Variants in PCMTD1 observed in about 807,000 individuals in gnomAD.
The protein encoded by PCMTD1 is protein-L-isoaspartate O-methyltransferase domain-containing protein 1.
Under a neutral mutation model 37.6 loss-of-function variants are expected in PCMTD1, and 12 were observed. The ratio of observed to expected loss-of-function variants is 0.32; its 90% CI spans 0.20 to 0.52. The LOEUF (loss-of-function observed/expected upper bound fraction) is 0.52. PCMTD1 is among the 20% of genes least tolerant of loss of function. The probability of loss-of-function intolerance (pLI) is 0.97; values close to 1 mark genes in which losing one functional copy is unlikely to be tolerated. For synonymous variants in PCMTD1, 117 were observed against 135.8 expected (o/e 0.86, Z 0.96); for missense variants, 235 against 421.3 (o/e 0.56, Z 3.87).
rs1358006751 is a variant in PCMTD1, at chr8:51,817,693, GTATTT to G, written c.*2653_*2657del. The G allele has an allele frequency of 1.3e-4, 34 of 271,314 alleles. No homozygotes were observed. Among genetic ancestry groups the G allele is most frequent in the African/African-American group, 7.0e-4 (31 of 44,046 alleles). 16.8% of individuals were successfully genotyped at this position (271,314 alleles called of 1,614,324 possible). ...ACAGCTATAAATCAACACACTTTTTGTATTTTATTTTACTACTATGTATGCTATTT... is the reference window on the plus strand; with the variant it reads ...ACAGCTATAAATCAACACACTTTTTGTATTTTACTACTATGTATGCTATTT... On this transcript the variant is annotated 3_prime_UTR_variant, in exon 6 of 6. Coordinates refer to ENST00000522514, the MANE Select transcript of PCMTD1 (RefSeq NM_052937.4).
chr8:51,884,229 A>T (rs1365423553), intron 1 of PCMTD1, among the ~76,000 whole-genome samples: 3 of 152,238 alleles, frequency 2.0e-5, no homozygotes, highest in African/African-American at 7.2e-5. Context: ...AGACAGAGCC[A>T]CTGATCTGAG....
At position 51,892,357 on chromosome 8, in the gene PCMTD1, G is replaced by A. The variant is rs993145286; in HGVS notation, c.-96+6573C>T. Among the ~76,000 whole-genome samples, 9 of 152,132 alleles carry A rather than the reference G, an allele frequency of 5.9e-5. No individual in the cohort carries two copies. In the South Asian group the frequency reaches 1.9e-3, roughly 32 times the overall value. On this transcript the variant is annotated intron_variant, in intron 1 of 5. Coordinates refer to ENST00000522514, the MANE Select transcript of PCMTD1 (RefSeq NM_052937.4). ...TGACCCTTGCCCAGAGTGGACCATT[G>A]GTCATGGCAGCTGCTACCCATCACC...
At chr8:51,878,450 T>A (rs1047542405) in intron 1 of PCMTD1, among the ~76,000 whole-genome samples, 1 of 152,146 alleles carries the variant, frequency 6.6e-6, no homozygotes, top group African/African-American at 2.4e-5. Flanking sequence ...TATAACTACA[T>A]GAATTGTGAG....
chr8:51,870,642 A>C (rs1358881047), intron 1 of PCMTD1, among the ~76,000 whole-genome samples: 4 of 152,192 alleles, frequency 2.6e-5, no homozygotes, highest in African/African-American at 9.6e-5. Context: ...ACAAGATCAT[A>C]TGAGAAGCTC....
At chr8:51,885,838 G>A (rs1248776445) in intron 1 of PCMTD1, among the ~76,000 whole-genome samples, 1 of 152,116 alleles carries the variant, frequency 6.6e-6, no homozygotes, top group Non-Finnish European at 1.5e-5. Flanking sequence ...TGTTTGTGCT[G>A]GGTCAGAAGG....
At chr8:51,869,825 G>T (rs916974969) in intron 1 of PCMTD1, among the ~76,000 whole-genome samples, 5 of 152,044 alleles carry the variant, frequency 3.3e-5, no homozygotes, top group African/African-American at 4.8e-5. Flanking sequence ...TTCATTCCTT[G>T]GTATTTTTCT....
intron 1 of PCMTD1, among the ~76,000 whole-genome samples, chr8:51,871,330 C>A (rs1417939079): frequency 6.6e-6 from 1 of 152,124 alleles, no homozygotes; most frequent in Non-Finnish European, 1.5e-5. Context: ...GAAGTTAAAG[C>A]GAAGAAAAGA....
chr8:51,817,847 A>G lies in PCMTD1; in HGVS notation c.*2504T>C, dbSNP rs1218689053. The G allele has an allele frequency of 2.2e-6, 1 of 456,784 alleles. No homozygotes were observed. The highest frequency in any genetic ancestry group is 4.4e-6 in the Non-Finnish European group (1 of 226,992). 28.3% of individuals were successfully genotyped at this position (456,784 alleles called of 1,614,324 possible). ...GGATTCTTGGGATTGATCTGATGCT[A>G]GAAGCTATCTTAGGCCCTGTCTCTA... On this transcript the variant is annotated 3_prime_UTR_variant, in exon 6 of 6. Transcript: ENST00000522514.
At chr8:51,866,496 T>C (rs1289008700) in intron 1 of PCMTD1, among the ~76,000 whole-genome samples, 1 of 151,870 alleles carries the variant, frequency 6.6e-6, no homozygotes, top group Admixed American at 6.6e-5. Context: ...TCAATTAATT[T>C]TCAACAAGGA....
intron 3 of PCMTD1, chr8:51,839,766 T>G (rs546720004): frequency 3.1e-6 from 1 of 327,784 alleles, no homozygotes; most frequent in Non-Finnish European, 4.4e-6. Context: ...TCCAGTGGAA[T>G]AGAGAAATTT....
At chr8:51,840,527 T>C (rs1464937519) in intron 3 of PCMTD1, among the ~76,000 whole-genome samples, 1 of 152,124 alleles carries the variant, frequency 6.6e-6, no homozygotes, top group African/African-American at 2.4e-5. Context: ...TACCAAAATG[T>C]TCACATATTT....
In PCMTD1 at chr8:51,826,854, C is replaced by CA. The variant is rs200193730; in HGVS notation, c.706+4589dup. ...AGAATGTCTTCTCCTCAACCCCAAA[C>CA]AAAAAAACCACAGAAAGAAATAGGA... On this transcript the variant is annotated intron_variant, in intron 5 of 5. Transcript: ENST00000522514. The CA allele has an allele frequency of 2.0e-4, 163 of 829,110 alleles. No homozygotes were observed. In the African/African-American group the frequency reaches 2.5e-3, roughly 13 times the overall value. The allele number at this position is 829,110 out of a possible 1,614,324, so 51.4% of individuals were successfully genotyped here.
chr8:51,878,896 G>A (rs183646711), intron 1 of PCMTD1, among the ~76,000 whole-genome samples: 3 of 152,282 alleles, frequency 2.0e-5, no homozygotes, highest in East Asian at 1.9e-4. Context: ...AGGTCAAGGT[G>A]TGAGGACTGC....
At chr8:51,860,123 C>T (rs1037488180) in intron 2 of PCMTD1, among the ~76,000 whole-genome samples, 1 of 152,212 alleles carries the variant, frequency 6.6e-6, no homozygotes, top group Non-Finnish European at 1.5e-5. Context: ...AGATACGTGA[C>T]TTTCAGGCAA....
chr8:51,863,350 ACAAT>A lies in PCMTD1; in HGVS notation c.-95-2108_-95-2105del, dbSNP rs1169302714. Reference sequence around the variant, plus strand: ...TTCAATTCAAAATTATCATAGCAAAACAATCAATCAAATATGGTCTTTACCACAT... The same window carrying A: ...TTCAATTCAAAATTATCATAGCAAAACAATCAAATATGGTCTTTACCACAT... On this transcript the variant is annotated intron_variant, in intron 1 of 5. Coordinates refer to ENST00000522514, the MANE Select transcript of PCMTD1 (RefSeq NM_052937.4). 3.9e-5 allele frequency among the ~76,000 whole-genome samples: 6 copies of A among 152,348 alleles called. No homozygotes were observed. In the East Asian group the frequency reaches 9.6e-4, roughly 24 times the overall value.
chr8:51,855,301 G>A (rs1585818927), intron 2 of PCMTD1, among the ~76,000 whole-genome samples: 1 of 150,816 alleles, frequency 6.6e-6, no homozygotes, highest in Non-Finnish European at 1.5e-5. Context: ...GCCAAAGTGG[G>A]CAGAACACTT....
At chr8:51,877,096 G>A (rs780097862) in intron 1 of PCMTD1, among the ~76,000 whole-genome samples, 7 of 152,000 alleles carry the variant, frequency 4.6e-5, no homozygotes, top group South Asian at 2.1e-4. Context: ...TCTTGGTGCC[G>A]TTAAGAACTA....
At chr8:51,876,795 T>C (rs1055300173) in intron 1 of PCMTD1, among the ~76,000 whole-genome samples, 2 of 152,112 alleles carry the variant, frequency 1.3e-5, no homozygotes, top group Non-Finnish European at 2.9e-5. Flanking sequence ...CATACCTAAA[T>C]GATGAATGAA....
chr8:51,859,037 T>C (rs1047063971), intron 2 of PCMTD1, among the ~76,000 whole-genome samples: 4 of 152,168 alleles, frequency 2.6e-5, no homozygotes, highest in Non-Finnish European at 5.9e-5. Flanking sequence ...GCTGGCAAGA[T>C]AGCAAATTAT....
Sources: allele counts gnomAD v4.1 joint callset (sites outside exome capture counted in the v4.1 genomes callset), GRCh38; gene constraint gnomAD v4.1.1; transcripts MANE v1.5; gene names NCBI Gene and HGNC (gene_info 2026-07-23, HGNC 2026-07-21).